CNBD1: variants seen among roughly 807,000 people sequenced by gnomAD.
The protein encoded by CNBD1 is cyclic nucleotide-binding domain-containing protein 1.
CNBD1 carries 71 observed loss-of-function variants against 54.4 expected under a neutral mutation model. The observed-to-expected ratio is 1.30, with a 90% CI of 1.08 to 1.59. CNBD1 has a LOEUF of 1.59. CNBD1 is among the 40% of genes most tolerant of loss of function. The probability of loss-of-function intolerance (pLI) is 0.00; values close to 1 mark genes in which losing one functional copy is unlikely to be tolerated. For synonymous variants in CNBD1, 182 were observed against 170.7 expected (o/e 1.07, Z -0.51); for missense variants, 659 against 518.0 (o/e 1.27, Z -2.64).
At chr8:87,275,413 A>C (rs1340171659) in intron 6 of CNBD1, among the ~76,000 whole-genome samples, 1 of 151,930 alleles carries the variant, frequency 6.6e-6, no homozygotes, top group South Asian at 2.1e-4. Context: ...ATGAGCATGG[A>C]ATGTTCTTCC....
At chr8:87,297,552 A>T (rs948671016) in intron 8 of CNBD1, among the ~76,000 whole-genome samples, 1 of 152,172 alleles carries the variant, frequency 6.6e-6, no homozygotes, top group Non-Finnish European at 1.5e-5. Flanking sequence ...AAAATATCTT[A>T]TAAATCACTT....
intron 8 of CNBD1, among the ~76,000 whole-genome samples, chr8:87,293,971 T>C (rs1230994272): frequency 1.3e-5 from 2 of 152,184 alleles, no homozygotes; most frequent in African/African-American, 4.8e-5. Context: ...GTCTCAGGCA[T>C]TTTAAATACC....
intron 4 of CNBD1, among the ~76,000 whole-genome samples, chr8:86,986,635 T>G (rs943546108): frequency 1.3e-5 from 2 of 152,240 alleles, no homozygotes; most frequent in South Asian, 2.1e-4. Context: ...GTAGGATTTT[T>G]ATAGTTTGAG....
At chr8:87,029,199 C>T (rs191399029) in intron 4 of CNBD1, among the ~76,000 whole-genome samples, 4 of 152,276 alleles carry the variant, frequency 2.6e-5, no homozygotes, top group Middle Eastern at 3.4e-3. Flanking sequence ...CTCATTTTTA[C>T]TCTCCATTTG....
intron 8 of CNBD1, among the ~76,000 whole-genome samples, chr8:87,288,418 T>A (rs1206292682): frequency 2.6e-5 from 4 of 152,032 alleles, no homozygotes; most frequent in African/African-American, 9.7e-5. Flanking sequence ...CATCTATCAT[T>A]ATATTAATAT....
chr8:87,209,816 A>T (rs1361639236), intron 5 of CNBD1, among the ~76,000 whole-genome samples: 4 of 152,218 alleles, frequency 2.6e-5, no homozygotes, highest in Non-Finnish European at 5.9e-5. Flanking sequence ...CAATGGCATA[A>T]AAACAGATAT....
At chr8:87,394,583 A>G (rs1811375430) in intron 2 of CNBD1, among the ~76,000 whole-genome samples, 1 of 151,880 alleles carries the variant, frequency 6.6e-6, no homozygotes, top group Admixed American at 6.6e-5. Flanking sequence ...TTTTAACTGT[A>G]TAGTCAATGC....
chr8:86,930,485 G>T (rs952253448), intron 3 of CNBD1, among the ~76,000 whole-genome samples: 21 of 152,134 alleles, frequency 1.4e-4, no homozygotes, highest in African/African-American at 5.1e-4. Flanking sequence ...ACAGATGAGG[G>T]CTATCCCTAA....
intron 3 of CNBD1, among the ~76,000 whole-genome samples, chr8:86,936,490 C>A (rs1809550143): frequency 1.3e-5 from 2 of 152,056 alleles, no homozygotes; most frequent in South Asian, 4.1e-4. Flanking sequence ...CCTGTAATCC[C>A]AGCACTTTGA....
intron 6 of CNBD1, among the ~76,000 whole-genome samples, chr8:87,283,379 T>C (rs546946077): frequency 6.6e-6 from 1 of 152,170 alleles, no homozygotes; most frequent in South Asian, 2.1e-4. Flanking sequence ...TTTATTCATT[T>C]GTGTGGCTTG....
intron 4 of CNBD1, among the ~76,000 whole-genome samples, chr8:86,956,803 T>A (rs1419846933): frequency 6.6e-6 from 1 of 152,198 alleles, no homozygotes; most frequent in Non-Finnish European, 1.5e-5. Context: ...CCTCTTTTCC[T>A]AATTGAATAC....
intron 4 of CNBD1, among the ~76,000 whole-genome samples, chr8:87,151,248 G>A (rs554335006): frequency 1.3e-4 from 20 of 152,204 alleles, no homozygotes; most frequent in African/African-American, 3.6e-4. Flanking sequence ...GATGGGGTGC[G>A]TACATATTCA....
At chr8:87,085,423 TGA>T (rs1391921585) in intron 4 of CNBD1, among the ~76,000 whole-genome samples, 1 of 152,166 alleles carries the variant, frequency 6.6e-6, no homozygotes, top group Non-Finnish European at 1.5e-5. Context: ...TAAAATTTAT[TGA>T]GTCTTTTTTT....
At position 87,382,719 on chromosome 8, in the gene CNBD1, A is replaced by G. The variant is rs1811106308; in HGVS notation, c.*92A>G. On this transcript the variant is annotated 3_prime_UTR_variant, in exon 11 of 11. Transcript: ENST00000518476. ...CTGGAATACTATCAAACTACCAGCA[A>G]TGAATTTGGTCTATTGTGACTACAT... 9.8e-7 allele frequency: 1 copy of G among 1,019,726 alleles called. No homozygotes were observed. Among genetic ancestry groups the G allele is most frequent in the Non-Finnish European group, 1.5e-6 (1 of 684,598 alleles). The allele number at this position is 1,019,726 out of a possible 1,614,324, so 63.2% of individuals were successfully genotyped here. A position where few individuals can be genotyped will look rare whatever the true frequency, so the allele number is the denominator to read the frequency against.
intron 4 of CNBD1, among the ~76,000 whole-genome samples, chr8:87,126,214 T>C (rs913869059): frequency 1.3e-5 from 2 of 151,984 alleles, no homozygotes; most frequent in Non-Finnish European, 2.9e-5. Context: ...GTTTCTCCTA[T>C]GGCAAGTGTA....
At chr8:86,870,924 A>T (rs955383268) in intron 1 of CNBD1, among the ~76,000 whole-genome samples, 15 of 152,190 alleles carry the variant, frequency 9.9e-5, no homozygotes, top group Admixed American at 7.8e-4. Flanking sequence ...GATAGTCCCA[A>T]TGGAATGTGC....
At chr8:87,200,510 T>A (rs1813838118) in intron 4 of CNBD1, among the ~76,000 whole-genome samples, 1 of 151,980 alleles carries the variant, frequency 6.6e-6, no homozygotes, top group African/African-American at 2.4e-5. Context: ...TAGAAAAATT[T>A]ACCTAGGCTG....
chr8:87,030,224 T>G (rs1809751777), intron 4 of CNBD1, among the ~76,000 whole-genome samples: 1 of 152,216 alleles, frequency 6.6e-6, no homozygotes, highest in South Asian at 2.1e-4. Context: ...CTCACAATGC[T>G]TTGCAGTTGA....
At chr8:87,259,897 G>T (rs780699738) in intron 6 of CNBD1, among the ~76,000 whole-genome samples, 13 of 152,192 alleles carry the variant, frequency 8.5e-5, no homozygotes, top group African/African-American at 2.6e-4. Context: ...CTTTAGATAG[G>T]CCAAATGGCT....
Sources: gnomAD v4.1 joint callset for allele counts (sites outside exome capture counted in the v4.1 genomes callset) on GRCh38, gnomAD v4.1.1 for gene constraint, MANE v1.5 for transcripts, NCBI Gene and HGNC (gene_info 2026-07-23, HGNC 2026-07-21) for gene names.